The following SERINC3 variants were observed in gnomAD, a reference collection of about 807,000 sequenced individuals.
SERINC3 encodes tumor differentially expressed protein 1.
In SERINC3, 22 loss-of-function variants were observed where a neutral mutation model predicts 52.1. The observed-to-expected ratio is 0.42, with a 90% CI of 0.30 to 0.60. The LOEUF (loss-of-function observed/expected upper bound fraction) is 0.60, where lower values mean the gene tolerates loss of function less well. Among genes scored for constraint, SERINC3 ranks in the 20% least tolerant of loss-of-function variants. The pLI, the probability that SERINC3 is intolerant of heterozygous loss-of-function variation, is 0.16. For synonymous variants in SERINC3, 226 were observed against 212.7 expected, an observed-to-expected ratio of 1.06 and a Z score of -0.54; for missense variants, 564 against 584.6, an observed-to-expected ratio of 0.96 and a Z score of 0.36.
chr20:44,514,055 C>G lies in SERINC3; in HGVS notation c.40-15G>C, dbSNP rs1359342611. On this transcript the variant is annotated splice_polypyrimidine_tract_variant and intron_variant, in intron 1 of 9. Coordinates refer to ENST00000342374, the MANE Select transcript of SERINC3 (RefSeq NM_006811.4). ...AGGCATGGAACCTGGAATGAGCACA[C>G]CATGGTCACCTGAGACCGCCTTCAG... The G allele has an allele frequency of 1.9e-6, 3 of 1,612,492 alleles. No homozygotes were observed. Among genetic ancestry groups the G allele is most frequent in the Non-Finnish European group, 2.5e-6 (3 of 1,179,284 alleles).
rs977934273 is a variant in SERINC3, at chr20:44,498,216, G to C, written c.*2080C>G. ...ACGTGGAACCACCATCCACCCAGCT[G>C]GTTAAACCAGAATCACTCAGAAATC... On this transcript the variant is annotated 3_prime_UTR_variant, in exon 10 of 10. Transcript: ENST00000342374. 6.6e-6 allele frequency: 1 copy of C among 152,170 alleles called. No individual in the cohort carries two copies. Among genetic ancestry groups the C allele is most frequent in the African/African-American group, 2.4e-5 (1 of 41,440 alleles). 9.4% of individuals were successfully genotyped at this position (152,170 alleles called of 1,614,324 possible).
chr20:44,520,924 T>C (rs960867160), intron 1 of SERINC3, among the ~76,000 whole-genome samples: 2 of 152,156 alleles, frequency 1.3e-5, no homozygotes, highest in Non-Finnish European at 2.9e-5. Context: ...AGGCTTGCCA[T>C]TGGCACAGAA....
intron 2 of SERINC3, among the ~76,000 whole-genome samples, 182 bp from the exon 3 acceptor site, chr20:44,513,176 T>C (rs1402505296): frequency 1.3e-5 from 2 of 152,196 alleles, no homozygotes; most frequent in African/African-American, 2.4e-5. Context: ...ATAAATAACA[T>C]GCATTTTAAA....
intron 1 of SERINC3, among the ~76,000 whole-genome samples, chr20:44,517,276 G>A (rs1446099183): frequency 2.6e-5 from 4 of 152,174 alleles, no homozygotes; most frequent in Non-Finnish European, 4.4e-5. Flanking sequence ...ATGGGAAATT[G>A]ACCAGCCAGT....
At chr20:44,504,113 T>TA in intron 7 of SERINC3, 118 bp from the exon 8 acceptor site, 3 of 783,446 alleles carry the variant, frequency 3.8e-6, no homozygotes, top group Non-Finnish European at 5.8e-6. Flanking sequence ...ATGCTTTACT[T>TA]AAAAAATCTG....
intron 1 of SERINC3, among the ~76,000 whole-genome samples, chr20:44,517,191 C>T (rs188858296): frequency 6.6e-6 from 1 of 152,232 alleles, no homozygotes; most frequent in Non-Finnish European, 1.5e-5. Context: ...ATATAAAGAA[C>T]CTAGTATAAT....
At chr20:44,503,469 G>C (rs1226738485) in intron 8 of SERINC3, among the ~76,000 whole-genome samples, 1 of 152,180 alleles carries the variant, frequency 6.6e-6, no homozygotes, top group African/African-American at 2.4e-5. Context: ...CCAACATGGT[G>C]AAACACTGTC....
rs968666166 is a variant in SERINC3 at position 44,512,665 on chromosome 20, T to C, written c.395+136A>G. ...AAAATGACATTAAAACAATTTCACATGCATAATAGATCAGAAATGCATCTG... is the reference window on the plus strand; with the variant it reads ...AAAATGACATTAAAACAATTTCACACGCATAATAGATCAGAAATGCATCTG... On this transcript the variant is annotated intron_variant, in intron 3 of 9. Coordinates refer to ENST00000342374, the MANE Select transcript of SERINC3 (RefSeq NM_006811.4). 6.3e-5 allele frequency: 40 copies of C among 638,308 alleles called. 1 individual carries two copies. The African/African-American group carries it at 7.2e-4, about 12-fold the overall frequency. The allele number at this position is 638,308 out of a possible 1,614,324, so 39.5% of individuals were successfully genotyped here. A position where few individuals can be genotyped will look rare whatever the true frequency, so the allele number is the denominator to read the frequency against.
chr20:44,521,797 G>T, intron 1 of SERINC3, 116 bp downstream of exon 1: 3 of 1,078,736 alleles, frequency 2.8e-6, no homozygotes, highest in Non-Finnish European at 2.8e-6. Context: ...ACCCTCTGTA[G>T]CCCAGGGCCT....
chr20:44,519,340 C>CGGATCA, intron 1 of SERINC3: 1 of 748,402 alleles, frequency 1.3e-6, no homozygotes, highest in Non-Finnish European at 1.6e-6. Context: ...GGGAGGCCGG[C>CGGATCA]GGATCACGAG....
chr20:44,505,331 TC>T (rs1249737708), intron 6 of SERINC3, among the ~76,000 whole-genome samples: 5 of 152,196 alleles, frequency 3.3e-5, no homozygotes, highest in Admixed American at 1.3e-4. Context: ...GGTTTTTTTT[TC>T]TTTTTTTTCT....
downstream of SERINC3, among the ~76,000 whole-genome samples, chr20:44,496,958 C>T (rs908292260): frequency 2.8e-4 from 42 of 152,180 alleles, no homozygotes; most frequent in African/African-American, 9.9e-4. Context: ...TACTTCCCAA[C>T]CAGATAACCC....
chr20:44,512,756 A>C, intron 3 of SERINC3, 45 bp downstream of exon 3: 11 of 1,457,414 alleles, frequency 7.5e-6, no homozygotes, highest in Non-Finnish European at 9.2e-6. Context: ...AAGGGAAGGA[A>C]GAGCCACACC....
At chr20:44,519,142 C>T (rs754528434) in intron 1 of SERINC3, among the ~76,000 whole-genome samples, 44 of 152,178 alleles carry the variant, frequency 2.9e-4, no homozygotes, top group Non-Finnish European at 5.1e-4. Context: ...AGATTCTTCC[C>T]AGCCTACACT....
chr20:44,500,148 C>G lies in SERINC3; in HGVS notation c.*148G>C. 1 of 788,672 alleles carries G rather than the reference C, an allele frequency of 1.3e-6. No individual in the cohort carries two copies. The highest frequency in any genetic ancestry group is 2.0e-6 in the Non-Finnish European group (1 of 504,886). 48.9% of individuals were successfully genotyped at this position (788,672 alleles called of 1,614,324 possible). A position where few individuals can be genotyped will look rare whatever the true frequency, so the allele number is the denominator to read the frequency against. ...TTTCGATTCTGCATCAAGCATTATT[C>G]AATCTCACCTTCTGATATAAACCTG... On this transcript the variant is annotated 3_prime_UTR_variant, in exon 10 of 10. Coordinates refer to ENST00000342374, the MANE Select transcript of SERINC3 (RefSeq NM_006811.4).
Position 44,498,988 on chromosome 20 carries a change from A to C in SERINC3, c.*1308T>G, listed in dbSNP as rs1297861462. On this transcript the variant is annotated 3_prime_UTR_variant, in exon 10 of 10. Coordinates refer to ENST00000342374, the MANE Select transcript of SERINC3 (RefSeq NM_006811.4). ...CTAACTTCTAAGAGTTCTTGGCTTA[A>C]ATATCATTTTCTCCAGAAAGCCTAC... is the stretch of plus-strand genomic sequence containing the variant. The C allele has an allele frequency of 1.3e-5, 2 of 152,068 alleles. No homozygotes were observed. Among genetic ancestry groups the C allele is most frequent in the African/African-American group, 4.8e-5 (2 of 41,370 alleles). 9.4% of individuals were successfully genotyped at this position (152,068 alleles called of 1,614,324 possible).
In SERINC3 at chr20:44,498,561, G is replaced by C. The variant is rs989980047; in HGVS notation, c.*1735C>G. The stretch of plus-strand genomic sequence containing the variant: ...ATTGCACTCCAGCCTGGGCGACAGA[G>C]CAAGACTCCGTCTCAAAAAAAAAAA... On this transcript the variant is annotated 3_prime_UTR_variant, in exon 10 of 10. Transcript: ENST00000342374. 1.3e-5 allele frequency: 2 copies of C among 150,738 alleles called. No homozygotes were observed. Among genetic ancestry groups the C allele is most frequent in the Non-Finnish European group, 2.9e-5 (2 of 67,876 alleles). 9.3% of individuals were successfully genotyped at this position (150,738 alleles called of 1,614,324 possible). A position where few individuals can be genotyped will look rare whatever the true frequency, so the allele number is the denominator to read the frequency against.
rs1037635688 is a variant in SERINC3, at chr20:44,498,126, T to C, written c.*2170A>G. ...GTCTGACTCCCAAGCCTCTTAACCA[T>C]TCTTAAGAGACCACCTACCTCCATT... On this transcript the variant is annotated 3_prime_UTR_variant, in exon 10 of 10. Transcript: ENST00000342374. The C allele has an allele frequency of 1.3e-5, 2 of 152,112 alleles. No homozygotes were observed. The highest frequency in any genetic ancestry group is 4.8e-5 in the African/African-American group (2 of 41,402). 9.4% of individuals were successfully genotyped at this position (152,112 alleles called of 1,614,324 possible).
chr20:44,510,172 A>C, intron 4 of SERINC3, 144 bp from the exon 5 acceptor site: 20 of 739,894 alleles, frequency 2.7e-5, no homozygotes, highest in East Asian at 5.4e-5. Flanking sequence ...TTCCAAACTC[A>C]ACGGCATTCT....
Sources: allele counts gnomAD v4.1 joint callset (sites outside exome capture counted in the v4.1 genomes callset), GRCh38; gene constraint gnomAD v4.1.1; transcripts MANE v1.5; gene names NCBI Gene and HGNC (gene_info 2026-07-23, HGNC 2026-07-21).